PAM: variants seen among roughly 807,000 people sequenced by gnomAD.
The protein encoded by PAM is peptidyl-glycine alpha-amidating monooxygenase.
Under a neutral mutation model 122.1 loss-of-function variants are expected in PAM, and 72 were observed. The ratio of observed to expected loss-of-function variants is 0.59; its 90% CI spans 0.49 to 0.72. The LOEUF (loss-of-function observed/expected upper bound fraction) is 0.72, where lower values mean the gene tolerates loss of function less well. Among genes scored for constraint, PAM ranks in the 30% least tolerant of loss-of-function variants. PAM has a pLI of 0.00. For synonymous variants in PAM, 389 were observed against 404.4 expected, an observed-to-expected ratio of 0.96 and a Z score of 0.46; for missense variants, 1,106 against 1,183.7, an observed-to-expected ratio of 0.93 and a Z score of 0.96.
chr5:102,867,134 G>A, intron 2 of PAM, 139 bp from the exon 3 acceptor site: 1 of 536,898 alleles, frequency 1.9e-6, no homozygotes, highest in Non-Finnish European at 3.3e-6. Context: ...CGAACATTGT[G>A]TAGTCATCAC....
intron 12 of PAM, among the ~76,000 whole-genome samples, chr5:102,958,565 G>A (rs1207458592): frequency 2.6e-5 from 4 of 152,062 alleles, no homozygotes; most frequent in African/African-American, 9.7e-5. Context: ...ATGTTTGTTT[G>A]GCTTTGCACT....
chr5:102,841,650 G>A (rs1330233950), intron 1 of PAM, among the ~76,000 whole-genome samples: 2 of 152,078 alleles, frequency 1.3e-5, no homozygotes, highest in African/African-American at 4.8e-5. Flanking sequence ...TAAATGAAGA[G>A]TTGCAAAAAT....
chr5:103,015,192 TG>T (rs1215484253), intron 21 of PAM, among the ~76,000 whole-genome samples: 1 of 152,206 alleles, frequency 6.6e-6, no homozygotes, highest in African/African-American at 2.4e-5. Context: ...AAGTACACAT[TG>T]GTATGCCAAG....
intron 1 of PAM, among the ~76,000 whole-genome samples, chr5:102,798,034 A>G (rs766176928): frequency 1.3e-5 from 2 of 152,172 alleles, no homozygotes; most frequent in Non-Finnish European, 2.9e-5. Flanking sequence ...ATATATAATG[A>G]CAGAGATTGC....
At chr5:103,019,026 C>G (rs949460260) in intron 22 of PAM, among the ~76,000 whole-genome samples, 2 of 152,160 alleles carry the variant, frequency 1.3e-5, no homozygotes, top group Non-Finnish European at 2.9e-5. Context: ...ACCTGCCACT[C>G]ACCTCCTGCT....
intron 14 of PAM, among the ~76,000 whole-genome samples, chr5:102,961,848 T>C (rs541177998): frequency 6.6e-6 from 1 of 151,978 alleles, no homozygotes; most frequent in Non-Finnish European, 1.5e-5. Context: ...AAAAAATTAC[T>C]TCCCTGAATC....
intron 1 of PAM, among the ~76,000 whole-genome samples, chr5:102,863,017 T>TTTGCTTTGTATTACAAATAAAA (rs1561666351): frequency 2.1e-4 from 31 of 150,308 alleles, no homozygotes; most frequent in African/African-American, 6.7e-4. Context: ...AAAATGAAAA[T>TTTGCTTTGTATTACAAATAAAA]TAGAGGGAAT....
intron 1 of PAM, among the ~76,000 whole-genome samples, chr5:102,781,857 G>A (rs1478180966): frequency 6.6e-6 from 1 of 152,056 alleles, no homozygotes; most frequent in Non-Finnish European, 1.5e-5. Context: ...AGAACTACAC[G>A]TTTTTAATGC....
chr5:102,987,581 ATTCTAAATACCC>A, intron 15 of PAM: 2 of 454,228 alleles, frequency 4.4e-6, no homozygotes, highest in South Asian at 3.1e-5. Flanking sequence ...GGTGATGTAT[ATTCTAAATACCC>A]TGATTTGATC....
chr5:102,771,533 A>C (rs1444965885), intron 1 of PAM, among the ~76,000 whole-genome samples: 1 of 152,148 alleles, frequency 6.6e-6, no homozygotes, highest in East Asian at 1.9e-4. Context: ...TCTGTACAAC[A>C]ACCTTGGTGA....
chr5:103,007,221 A>G (rs544720208), intron 19 of PAM, among the ~76,000 whole-genome samples: 1 of 151,448 alleles, frequency 6.6e-6, no homozygotes, highest in Non-Finnish European at 1.5e-5. Context: ...ACACACACAC[A>G]CGTCTTGTAA....
In PAM at chr5:102,799,535, C is replaced by T. The variant is rs114177062; in HGVS notation, c.-374+44187C>T. ...GGGCAAATAAGTTATTCTATTTCAG[C>T]CACATATTTCTTAGCTATAGCGTAG... On this transcript the variant is annotated intron_variant, in intron 1 of 25. Transcript: ENST00000438793. Among the ~76,000 whole-genome samples, 726 of 152,202 alleles carry T rather than the reference C, an allele frequency of 4.8e-3. 3 individuals carry two copies. The highest frequency in any genetic ancestry group is 0.016 in the African/African-American group (672 of 41,534).
At chr5:102,903,448 G>A (rs993049971) in intron 4 of PAM, among the ~76,000 whole-genome samples, 6 of 151,548 alleles carry the variant, frequency 4.0e-5, no homozygotes, top group Admixed American at 6.6e-5. Context: ...GCGTTATCTC[G>A]TTAATTCTTA....
chr5:103,003,236 T>C (rs1375773250), intron 17 of PAM, 87 bp downstream of exon 17: 1 of 639,582 alleles, frequency 1.6e-6, no homozygotes, highest in African/African-American at 1.8e-5. Flanking sequence ...TCGAGTGTTT[T>C]GTATAACTGC....
rs1438892468 is a variant in PAM at position 102,924,972 on chromosome 5, A to G, written c.372A>G (p.Gly124=). The G allele has an allele frequency of 6.4e-7, 1 of 1,552,694 alleles. No individual in the cohort carries two copies. Among genetic ancestry groups the G allele is most frequent in the East Asian group, 2.2e-5 (1 of 44,606 alleles). ...STGSYWFCDE[G]TCTDKANILY... is the part of the protein sequence containing the mutation. ...TTTTCTTCAGGTTTTGTGATGAAGG[A>G]ACCTGTACAGATAAAGCCAATATTC... The change falls in exon 6 of 26, where the codon GGA becomes GGG. Residue 124 remains glycine, a synonymous_variant. Coordinates refer to ENST00000438793, the MANE Select transcript of PAM (RefSeq NM_001177306.2).
intron 7 of PAM, among the ~76,000 whole-genome samples, chr5:102,938,523 C>T (rs1194008188): frequency 6.6e-6 from 1 of 152,050 alleles, no homozygotes; most frequent in Non-Finnish European, 1.5e-5. Flanking sequence ...TTCCTACATG[C>T]AATTTAGTTT....
At chr5:102,803,596 T>C (rs944445486) in intron 1 of PAM, among the ~76,000 whole-genome samples, 4 of 152,142 alleles carry the variant, frequency 2.6e-5, no homozygotes, top group Non-Finnish European at 1.5e-5. Context: ...GGAGGAACCA[T>C]GGAATCATTT....
intron 21 of PAM, among the ~76,000 whole-genome samples, chr5:103,012,274 C>T (rs1780840133): frequency 6.6e-6 from 1 of 152,066 alleles, no homozygotes; most frequent in Non-Finnish European, 1.5e-5. Context: ...TTGATGCGAT[C>T]CCATTTGTTG....
chr5:102,848,837 G>A (rs1006671890), intron 1 of PAM, among the ~76,000 whole-genome samples: 1 of 152,144 alleles, frequency 6.6e-6, no homozygotes, highest in Non-Finnish European at 1.5e-5. Flanking sequence ...GAGTTTTAAA[G>A]AAGATGATAG....
Sources: gnomAD v4.1 joint callset for allele counts (sites outside exome capture counted in the v4.1 genomes callset) on GRCh38, gnomAD v4.1.1 for gene constraint, MANE v1.5 for transcripts, NCBI Gene and HGNC (gene_info 2026-07-23, HGNC 2026-07-21) for gene names.